RSU1: variants seen among roughly 807,000 people sequenced by gnomAD.
RSU1 encodes rsu-1.
A neutral mutation model predicts 31.1 loss-of-function variants in RSU1; 26 were observed. The observed-to-expected ratio is 0.84, with a 90% CI of 0.61 to 1.16. The LOEUF is 1.16. Ranked by LOEUF, RSU1 falls within the 50% of genes most tolerant of loss-of-function variation. The pLI, the probability that RSU1 is intolerant of heterozygous loss-of-function variation, is 0.00. For synonymous variants in RSU1, 164 were observed against 136.3 expected, an observed-to-expected ratio of 1.20 and a Z score of -1.41; for missense variants, 320 against 339.1, an observed-to-expected ratio of 0.94 and a Z score of 0.44.
At chr10:16,712,584 G>A (rs1239906423) in intron 7 of RSU1, among the ~76,000 whole-genome samples, 1 of 151,990 alleles carries the variant, frequency 6.6e-6, no homozygotes, top group Non-Finnish European at 1.5e-5. Flanking sequence ...TTTAAATCTG[G>A]TTGCATGAAA....
chr10:16,626,521 G>A lies in RSU1; in HGVS notation c.732-33025C>T, dbSNP rs566924554. Among the ~76,000 whole-genome samples the A allele has an allele frequency of 1.3e-4, 20 of 152,168 alleles. No individual in the cohort carries two copies. In the East Asian group the frequency reaches 3.9e-3, roughly 29 times the overall value. ...AAAAAATGATCCAGTAAGCCTACTC[G>A]GGCTCTTCTGTGGCAATGTTGGCCT... is the stretch of plus-strand genomic sequence containing the variant. On this transcript the variant is annotated intron_variant, in intron 8 of 8. Coordinates refer to ENST00000345264, the MANE Select transcript of RSU1 (RefSeq NM_012425.4).
chr10:16,797,307 T>C (rs118093681), intron 2 of RSU1, among the ~76,000 whole-genome samples: 2 of 152,062 alleles, frequency 1.3e-5, no homozygotes, highest in Non-Finnish European at 2.9e-5. Flanking sequence ...AGACCAAGGA[T>C]AGAGAAGATC....
At chr10:16,810,789 G>C (rs1838391692) in intron 2 of RSU1, among the ~76,000 whole-genome samples, 1 of 152,156 alleles carries the variant, frequency 6.6e-6, no homozygotes. Flanking sequence ...CGGGAGGCTG[G>C]GGCAGGCAGA....
intron 7 of RSU1, among the ~76,000 whole-genome samples, chr10:16,705,339 C>T (rs1835875437): frequency 6.6e-6 from 1 of 152,142 alleles, no homozygotes; most frequent in Non-Finnish European, 1.5e-5. Flanking sequence ...TGTAAATTTT[C>T]ATATAACCTA....
chr10:16,730,296 A>T (rs1463175947), intron 7 of RSU1, among the ~76,000 whole-genome samples: 1 of 152,200 alleles, frequency 6.6e-6, no homozygotes, highest in Non-Finnish European at 1.5e-5. Context: ...AAATTTCAAC[A>T]TCAGATTTGG....
rs116723303 is a variant in RSU1 at position 16,803,086 on chromosome 10, A to C, written c.109+13887T>G. 2.4e-3 allele frequency among the ~76,000 whole-genome samples: 373 copies of C among 152,256 alleles called. 4 individuals are homozygous for C. Among genetic ancestry groups the C allele is most frequent in the African/African-American group, 8.8e-3 (366 of 41,564 alleles). ...TGCAGATTGGAAAGGATGAATTAAA[A>C]CTGTCTTTCTCCACAGATAATATGA... is the stretch of plus-strand genomic sequence containing the variant. On this transcript the variant is annotated intron_variant, in intron 2 of 8. Coordinates refer to ENST00000345264, the MANE Select transcript of RSU1 (RefSeq NM_012425.4).
At chr10:16,682,556 ACACACACACACACACATG>A (rs1262556321) in intron 8 of RSU1, among the ~76,000 whole-genome samples, 2 of 148,282 alleles carry the variant, frequency 1.3e-5, no homozygotes, top group South Asian at 2.2e-4. Context: ...ACACACACAC[ACACACACACACACACATG>A]CATGCATGTT....
intron 7 of RSU1, among the ~76,000 whole-genome samples, chr10:16,714,317 T>A (rs1224257810): frequency 6.6e-6 from 1 of 152,206 alleles, no homozygotes; most frequent in African/African-American, 2.4e-5. Flanking sequence ...CTGGCCCAGC[T>A]CTTGGGCTGG....
At chr10:16,640,982 T>TA (rs945197595) in intron 8 of RSU1, among the ~76,000 whole-genome samples, 18 of 152,220 alleles carry the variant, frequency 1.2e-4, no homozygotes, top group African/African-American at 4.1e-4. Context: ...AGAAGGCTTG[T>TA]AGTATCATTG....
intron 4 of RSU1, among the ~76,000 whole-genome samples, chr10:16,756,757 T>TTGTGTTGCTCCCGCAACCCA (rs1406758739): frequency 1.3e-5 from 2 of 152,214 alleles, no homozygotes; most frequent in South Asian, 2.1e-4. Flanking sequence ...GCATGAGTCA[T>TTGTGTTGCTCCCGCAACCCA]TGTGTTGCTC....
intron 3 of RSU1, among the ~76,000 whole-genome samples, chr10:16,767,928 T>C (rs979370202): frequency 6.6e-5 from 10 of 152,170 alleles, no homozygotes; most frequent in Admixed American, 3.3e-4. Context: ...CTAAATCCTA[T>C]ACATACGTGG....
chr10:16,755,547 A>G (rs1837067142), intron 4 of RSU1, among the ~76,000 whole-genome samples: 1 of 152,152 alleles, frequency 6.6e-6, no homozygotes, highest in South Asian at 2.1e-4. Flanking sequence ...GGTTTAAATC[A>G]TACTATTTAA....
chr10:16,815,855 T>G (rs1368570339), intron 2 of RSU1, among the ~76,000 whole-genome samples: 1 of 152,102 alleles, frequency 6.6e-6, no homozygotes, highest in Non-Finnish European at 1.5e-5. Context: ...TGCAAACGAC[T>G]GAGAAAGAGG....
At chr10:16,654,336 G>C (rs1378355363) in intron 8 of RSU1, among the ~76,000 whole-genome samples, 3 of 141,396 alleles carry the variant, frequency 2.1e-5, no homozygotes, top group Admixed American at 1.5e-4. Flanking sequence ...TGCCATATTT[G>C]GTTTGTTGCC....
At position 16,722,857 on chromosome 10, in the gene RSU1, T is replaced by TAC. The variant is rs1588493706; in HGVS notation, c.599-27703_599-27702insGT. On this transcript the variant is annotated intron_variant, in intron 7 of 8. Transcript: ENST00000345264. ...ACATATATGTATATATACACACATA[T>TAC]ATACATATATGTATATATACACACA... Among the ~76,000 whole-genome samples, 11 of 132,854 alleles carry TAC rather than the reference T, an allele frequency of 8.3e-5. 1 individual carries two copies. The highest frequency in any genetic ancestry group is 2.7e-4 in the African/African-American group (10 of 37,718). 87.2% of individuals were successfully genotyped at this position (132,854 alleles called of 152,430 possible). A position where few individuals can be genotyped will look rare whatever the true frequency, so the allele number is the denominator to read the frequency against.
chr10:16,741,722 T>C (rs1836757010), intron 7 of RSU1, among the ~76,000 whole-genome samples: 1 of 152,174 alleles, frequency 6.6e-6, no homozygotes, highest in Non-Finnish European at 1.5e-5. Flanking sequence ...CTCTGTAATT[T>C]TCTAAGATCA....
At chr10:16,700,212 A>G (rs753774067) in intron 7 of RSU1, among the ~76,000 whole-genome samples, 39 of 152,206 alleles carry the variant, frequency 2.6e-4, no homozygotes, top group Non-Finnish European at 4.6e-4. Flanking sequence ...TCACGTCATC[A>G]AAGTAGCATT....
At chr10:16,814,609 C>A (rs971913950) in intron 2 of RSU1, among the ~76,000 whole-genome samples, 2 of 152,160 alleles carry the variant, frequency 1.3e-5, no homozygotes, top group Non-Finnish European at 2.9e-5. Flanking sequence ...CCTGGAACCC[C>A]CTAGGCTCCG....
At chr10:16,611,421 ATTT>A (rs1396738278) in intron 8 of RSU1, among the ~76,000 whole-genome samples, 1 of 152,156 alleles carries the variant, frequency 6.6e-6, no homozygotes, top group Non-Finnish European at 1.5e-5. Flanking sequence ...TTGTTGAGGA[ATTT>A]TTTTCCCATA....
Sources: gnomAD v4.1 joint callset for allele counts (sites outside exome capture counted in the v4.1 genomes callset) on GRCh38, gnomAD v4.1.1 for gene constraint, MANE v1.5 for transcripts, NCBI Gene and HGNC (gene_info 2026-07-23, HGNC 2026-07-21) for gene names.